The following ZNF578 variants were observed in gnomAD, a reference collection of about 807,000 sequenced individuals.
ZNF578 encodes the protein Putative chemokine-related protein B42.
ZNF578 carries 8 observed loss-of-function variants against 8.3 expected under a neutral mutation model. The ratio of observed to expected loss-of-function variants is 0.96; its 90% CI spans 0.56 to 1.74. The LOEUF is 1.74. ZNF578 is among the 40% of genes most tolerant of loss of function. The probability of loss-of-function intolerance (pLI) is 0.00; values close to 1 mark genes in which losing one functional copy is unlikely to be tolerated. For synonymous variants in ZNF578, 206 were observed against 232.2 expected (o/e 0.89, Z 1.03); for missense variants, 726 against 707.5 (o/e 1.03, Z -0.30).
rs752763977 is a variant in ZNF578 at position 52,497,517 on chromosome 19, G to A, written c.-19-4310G>A. 1.2e-4 allele frequency among the ~76,000 whole-genome samples: 18 copies of A among 152,226 alleles called. No homozygotes were observed. In the East Asian group the frequency reaches 1.9e-3, roughly 16 times the overall value. ...ATTATAGGTGTGAGTCACCATGCCC[G>A]GCCTTATTGTTTTCAAAGTATGATA... On this transcript the variant is annotated intron_variant, in intron 3 of 5. Coordinates refer to ENST00000421239, the MANE Select transcript of ZNF578 (RefSeq NM_001099694.2).
chr19:52,474,247 T>G (rs2059301116), intron 2 of ZNF578: 6 of 310,976 alleles, frequency 1.9e-5, no homozygotes, highest in South Asian at 1.8e-4. Flanking sequence ...AACACTTCTC[T>G]CCAGTATGAA....
At chr19:52,464,317 G>T (rs12975354) in intron 2 of ZNF578, among the ~76,000 whole-genome samples, 53,286 of 151,908 alleles carry the variant, frequency 0.35, 10,815 homozygotes, top group Non-Finnish European at 0.47. Context: ...CATGGCCTCG[G>T]GTGTTAGTCC....
chr19:52,463,601 G>C (rs951970021), intron 2 of ZNF578, among the ~76,000 whole-genome samples: 7 of 152,240 alleles, frequency 4.6e-5, no homozygotes, highest in African/African-American at 1.7e-4. Flanking sequence ...ACAACTGCTT[G>C]TACAGAGTTG....
chr19:52,487,385 T>A (rs2059349291), intron 2 of ZNF578, among the ~76,000 whole-genome samples: 1 of 152,180 alleles, frequency 6.6e-6, no homozygotes, highest in Non-Finnish European at 1.5e-5. Context: ...TTGACTTCCA[T>A]GTATATAATC....
rs66824085 is a variant in ZNF578, at chr19:52,499,689, G to GTTTTTTTTT, written c.-19-2133_-19-2125dup. Among the ~76,000 whole-genome samples the GTTTTTTTTT allele has an allele frequency of 4.2e-3, 595 of 141,506 alleles. 21 individuals are homozygous for GTTTTTTTTT. Among genetic ancestry groups the GTTTTTTTTT allele is most frequent in the Non-Finnish European group, 6.1e-3 (399 of 65,452 alleles). 92.8% of individuals were successfully genotyped at this position (141,506 alleles called of 152,430 possible). A position where few individuals can be genotyped will look rare whatever the true frequency, so the allele number is the denominator to read the frequency against. On this transcript the variant is annotated intron_variant, in intron 3 of 5. Coordinates refer to ENST00000421239, the MANE Select transcript of ZNF578 (RefSeq NM_001099694.2). Reference sequence around the variant, plus strand: ...TGAGAAGATACATCACTTCCAAATCGTTTTTTTTTTTTTGAGATGAATTTT... The same window carrying GTTTTTTTTT: ...TGAGAAGATACATCACTTCCAAATCGTTTTTTTTTTTTTTTTTTTTTTGAGATGAATTTT...
chr19:52,482,284 T>A (rs2122846063), intron 2 of ZNF578, among the ~76,000 whole-genome samples: 1 of 152,162 alleles, frequency 6.6e-6, no homozygotes, highest in Non-Finnish European at 1.5e-5. Context: ...TCTCCCCACC[T>A]GGGCCTCCCA....
At chr19:52,467,435 A>T (rs1024078048) in intron 2 of ZNF578, among the ~76,000 whole-genome samples, 4 of 152,080 alleles carry the variant, frequency 2.6e-5, no homozygotes, top group Non-Finnish European at 4.4e-5. Context: ...CTATCTCAAA[A>T]AAAATAAAAT....
At chr19:52,490,661 G>T (rs1306921796) in intron 2 of ZNF578, among the ~76,000 whole-genome samples, 2 of 149,374 alleles carry the variant, frequency 1.3e-5, no homozygotes, top group Non-Finnish European at 1.5e-5. Context: ...TTTTTGAGAC[G>T]GAGTCTTGCT....
rs530807883 is a variant in ZNF578, at chr19:52,479,261, C to T, written c.-121-12063C>T. On this transcript the variant is annotated intron_variant, in intron 2 of 5. Coordinates refer to ENST00000421239, the MANE Select transcript of ZNF578 (RefSeq NM_001099694.2). ...GAAATTTCTCTTTCCCAAGGCCGGG[C>T]GCAGTGGCTCACGCCTGTAATCCCA... is the stretch of plus-strand genomic sequence containing the variant. Among the ~76,000 whole-genome samples the T allele has an allele frequency of 1.8e-3, 267 of 152,060 alleles. 2 individuals carry two copies. Among genetic ancestry groups the T allele is most frequent in the South Asian group, 3.1e-3 (15 of 4,808 alleles).
At chr19:52,454,407 C>T (rs1242585126) in intron 1 of ZNF578, 3 of 152,188 alleles carry the variant, frequency 2.0e-5, no homozygotes. Flanking sequence ...AGATTAAAGG[C>T]TCAGTCCACA....
At chr19:52,496,325 G>GTTATTTATTTATTTATTTATTTATTTAT (rs143811534) in intron 3 of ZNF578, among the ~76,000 whole-genome samples, 2 of 146,102 alleles carry the variant, frequency 1.4e-5, no homozygotes, top group Admixed American at 6.9e-5. Context: ...CTCATTTGTT[G>GTTATTTATTTATTTATTTATTTATTTAT]TTATTTATTT....
chr19:52,463,649 T>C (rs1246826020), intron 2 of ZNF578, among the ~76,000 whole-genome samples: 3 of 152,232 alleles, frequency 2.0e-5, no homozygotes, highest in African/African-American at 7.2e-5. Context: ...ATATATTTAA[T>C]TAAGGCAGTT....
chr19:52,510,321 G>T (rs2059440011), intron 5 of ZNF578, among the ~76,000 whole-genome samples: 1 of 151,946 alleles, frequency 6.6e-6, no homozygotes, highest in South Asian at 2.1e-4. Context: ...CCTTACTTTA[G>T]GCTTACACAT....
chr19:52,507,246 G>A (rs9304730), intron 5 of ZNF578, among the ~76,000 whole-genome samples: 14,371 of 152,142 alleles, frequency 0.094, 678 homozygotes, highest in Middle Eastern at 0.13. Flanking sequence ...AAATTAGCTG[G>A]GCATGTTGGT....
intron 1 of ZNF578, chr19:52,455,702 A>G (rs2059237748): frequency 6.6e-6 from 1 of 152,180 alleles, no homozygotes; most frequent in Non-Finnish European, 1.5e-5. Flanking sequence ...AGTCCTACCC[A>G]TCTCAGATAA....
intron 2 of ZNF578, among the ~76,000 whole-genome samples, chr19:52,468,531 C>G (rs1156845000): frequency 1.3e-5 from 2 of 152,124 alleles, no homozygotes; most frequent in African/African-American, 4.8e-5. Context: ...AGTTAGACTT[C>G]ATTTTGTGAT....
chr19:52,474,214 T>C, intron 2 of ZNF578: 1 of 304,966 alleles, frequency 3.3e-6, no homozygotes. Flanking sequence ...CACTAAATGC[T>C]TTGCCACATT....
chr19:52,515,043 A>G lies in ZNF578; in HGVS notation c.*2889A>G, dbSNP rs1445497723. ...AATGGTGCGATCTGGTGTCACTCCA[A>G]TGTCTTCCTCCTGGGTTCAAGTGAT... On this transcript the variant is annotated 3_prime_UTR_variant, in exon 6 of 6. Coordinates refer to ENST00000421239, the MANE Select transcript of ZNF578 (RefSeq NM_001099694.2). 1.3e-5 allele frequency among the ~76,000 whole-genome samples: 2 copies of G among 149,234 alleles called. No individual in the cohort carries two copies. Among genetic ancestry groups the G allele is most frequent in the Admixed American group, 1.3e-4 (2 of 14,836 alleles).
chr19:52,469,172 T>TTTTG (rs1555752386), intron 2 of ZNF578, among the ~76,000 whole-genome samples: 9 of 147,700 alleles, frequency 6.1e-5, no homozygotes, highest in African/African-American at 2.2e-4. Flanking sequence ...TTTTTGTTTT[T>TTTTG]TTTTTTTTGA....
Sources: allele counts gnomAD v4.1 joint callset (sites outside exome capture counted in the v4.1 genomes callset), GRCh38; gene constraint gnomAD v4.1.1; transcripts MANE v1.5; gene names NCBI Gene and HGNC (gene_info 2026-07-23, HGNC 2026-07-21).